Variants in XYLT1 observed in about 807,000 individuals in gnomAD.
XYLT1 encodes the protein xylosyltransferase 1.
XYLT1 carries 36 observed loss-of-function variants against 91.3 expected under a neutral mutation model. The observed-to-expected ratio is 0.39, with a 90% CI of 0.30 to 0.52. The LOEUF is 0.52. XYLT1 is among the 20% of genes least tolerant of loss of function. XYLT1 has a pLI of 0.68. For missense variants in XYLT1, 1,242 were observed against 1,284.5 expected (o/e 0.97, Z 0.51); for synonymous variants, 588 against 532.0 (o/e 1.11, Z -1.45).
intron 3 of XYLT1, among the ~76,000 whole-genome samples, chr16:17,201,917 C>T (rs1341742108): frequency 6.6e-6 from 1 of 152,122 alleles, no homozygotes; most frequent in Non-Finnish European, 1.5e-5. Context: ...TTGTGGCCTG[C>T]CTTGAGCTCC....
rs1027740202 is a variant in XYLT1 at position 17,411,946 on chromosome 16, C to T, written c.364-53896G>A. On this transcript the variant is annotated intron_variant, in intron 1 of 11. Coordinates refer to ENST00000261381, the MANE Select transcript of XYLT1 (RefSeq NM_022166.4). ...TGCCCATCACTAGGTGGCCCGGAGG[C>T]CTAAGGTGAAAAGGATGTTGTCTTT... Among the ~76,000 whole-genome samples, 6 of 152,054 alleles carry T rather than the reference C, an allele frequency of 3.9e-5. No individual in the cohort carries two copies. In the South Asian group the frequency reaches 1.2e-3, roughly 32 times the overall value.
At chr16:17,288,960 A>T (rs969543523) in intron 2 of XYLT1, among the ~76,000 whole-genome samples, 14 of 152,202 alleles carry the variant, frequency 9.2e-5, no homozygotes, top group African/African-American at 1.4e-4. Flanking sequence ...AGATTTTTTT[A>T]AAAAACCTGA....
At chr16:17,459,006 T>C (rs2036780458) in intron 1 of XYLT1, among the ~76,000 whole-genome samples, 1 of 152,088 alleles carries the variant, frequency 6.6e-6, no homozygotes, top group Non-Finnish European at 1.5e-5. Flanking sequence ...ATTCATCAAG[T>C]TGTATATTTA....
intron 5 of XYLT1, among the ~76,000 whole-genome samples, chr16:17,172,466 C>CTTT (rs1157952692): frequency 0.013 from 1,282 of 102,544 alleles, 6 homozygotes; most frequent in East Asian, 0.032. Flanking sequence ...GCGTTCATTT[C>CTTT]TTTTTTTTTT....
Position 17,259,077 on chromosome 16 carries a change from T to C in XYLT1, c.824A>G (p.His275Arg), listed in dbSNP as rs1243343793. The change falls in exon 3 of 12, where the codon CAC becomes CGC. Residue 275 changes from histidine (H) to arginine (R), a missense_variant. Physicochemically the swap from His to Arg is conservative, Grantham distance 29. Around this residue, in one of 3 missense-constraint regions of XYLT1, gnomAD observed 437 missense variants for 411.5 expected, o/e 1.06. Coordinates refer to ENST00000261381, the MANE Select transcript of XYLT1 (RefSeq NM_022166.4). ...AGTCTCCCCAATCTCCTGGCGGCAG[T>C]GCTTGGACTTAGCACGGGACAGGGC... Reference protein sequence around the residue: ...ISALSRAKSKHCRQEIGETYC... With the variant: ...ISALSRAKSKRCRQEIGETYC... 1.3e-6 allele frequency: 2 copies of C among 1,535,024 alleles called. No homozygotes were observed. Among genetic ancestry groups the C allele is most frequent in the Non-Finnish European group, 8.8e-7 (1 of 1,142,328 alleles).
chr16:17,359,422 G>A (rs1470482708), intron 1 of XYLT1, among the ~76,000 whole-genome samples: 3 of 152,110 alleles, frequency 2.0e-5, no homozygotes, highest in East Asian at 3.8e-4. Flanking sequence ...ACTGTTCTAC[G>A]GTATCTTTGT....
intron 10 of XYLT1, among the ~76,000 whole-genome samples, chr16:17,123,773 G>T: frequency 6.6e-6 from 1 of 152,122 alleles, no homozygotes; most frequent in East Asian, 1.9e-4. Flanking sequence ...CTGTGTTGCT[G>T]TCCATCTCAT....
chr16:17,446,941 T>C (rs1384267444), intron 1 of XYLT1, among the ~76,000 whole-genome samples: 1 of 152,034 alleles, frequency 6.6e-6, no homozygotes, highest in African/African-American at 2.4e-5. Flanking sequence ...GAGGGACCTC[T>C]GGACTCAAGG....
intron 2 of XYLT1, among the ~76,000 whole-genome samples, chr16:17,339,376 A>T (rs927905443): frequency 6.6e-6 from 1 of 152,234 alleles, no homozygotes; most frequent in African/African-American, 2.4e-5. Context: ...GAAATTGCAG[A>T]TATTTTCATG....
chr16:17,330,823 T>C, intron 2 of XYLT1, among the ~76,000 whole-genome samples: 1 of 148,992 alleles, frequency 6.7e-6, no homozygotes, highest in East Asian at 2.0e-4. Context: ...GAAAAGAAAA[T>C]GTCCCTACTT....
chr16:17,447,943 C>T (rs866799310), intron 1 of XYLT1, among the ~76,000 whole-genome samples: 9 of 152,206 alleles, frequency 5.9e-5, no homozygotes, highest in African/African-American at 1.9e-4. Context: ...GACCCTGTCG[C>T]TTGTGACATG....
chr16:17,221,625 G>C (rs897289760), intron 3 of XYLT1, among the ~76,000 whole-genome samples: 2 of 152,186 alleles, frequency 1.3e-5, no homozygotes, highest in African/African-American at 4.8e-5. Context: ...TGTAGTCCCA[G>C]CTCTTCGGGA....
Position 17,102,406 on chromosome 16 carries a change from AG to A in XYLT1, c.*6288del, listed in dbSNP as rs1196000960. ...ACAGAAAGCATCTATATACACCTGC[AG>A]TGTTTTTGGTATGATACAGTATTTA... On this transcript the variant is annotated 3_prime_UTR_variant, in exon 12 of 12. Coordinates refer to ENST00000261381, the MANE Select transcript of XYLT1 (RefSeq NM_022166.4). 1.3e-5 allele frequency: 2 copies of A among 152,676 alleles called. No individual in the cohort carries two copies. The highest frequency in any genetic ancestry group is 3.8e-4 in the East Asian group (2 of 5,206). The allele number at this position is 152,676 out of a possible 1,614,324, so 9.5% of individuals were successfully genotyped here.
intron 1 of XYLT1, among the ~76,000 whole-genome samples, chr16:17,439,258 A>G (rs1378611197): frequency 6.6e-6 from 1 of 152,174 alleles, no homozygotes; most frequent in Non-Finnish European, 1.5e-5. Flanking sequence ...CTTTAAACTC[A>G]GATGCAGCCT....
intron 1 of XYLT1, among the ~76,000 whole-genome samples, chr16:17,390,942 G>A (rs2035810595): frequency 6.6e-6 from 1 of 152,166 alleles, no homozygotes; most frequent in Non-Finnish European, 1.5e-5. Context: ...AGAGGCTGAG[G>A]CAGGAGAATC....
chr16:17,323,362 G>A (rs9930322), intron 2 of XYLT1, among the ~76,000 whole-genome samples: 54,289 of 151,960 alleles, frequency 0.36, 10,064 homozygotes, highest in Admixed American at 0.46. Flanking sequence ...TGGCATCTTC[G>A]CGCAGACGGC....
At chr16:17,439,678 C>T (rs2036508313) in intron 1 of XYLT1, among the ~76,000 whole-genome samples, 1 of 152,202 alleles carries the variant, frequency 6.6e-6, no homozygotes, top group African/African-American at 2.4e-5. Context: ...TGAATGTCTG[C>T]TTTCCATTGT....
intron 1 of XYLT1, among the ~76,000 whole-genome samples, chr16:17,467,652 C>T (rs1416556993): frequency 4.6e-5 from 7 of 152,166 alleles, no homozygotes; most frequent in Admixed American, 4.6e-4. Flanking sequence ...AAAATACAAT[C>T]AGGGCCTTCC....
rs368097793 is a variant in XYLT1 at position 17,108,882 on chromosome 16, G to A, written c.2693C>T (p.Thr898Met). The stretch of plus-strand genomic sequence containing the variant: ...CAGCCATCCCTCCAGCGCTGTGCCC[G>A]TGGAGGCTGCGTTCCTCCGTGCCTG... ...VEQARRNAASTGTALEGWLDS... is the reference protein window; with the variant it reads ...VEQARRNAASMGTALEGWLDS... Residue 898 changes from threonine to methionine, a missense_variant, in exon 12 of 12, where the codon ACG (threonine) becomes ATG (methionine). This residue lies in a region of XYLT1 where 511 missense variants were observed against 497.0 expected (regional missense o/e 1.03). Transcript: ENST00000261381. 23 of 1,611,508 alleles carry A rather than the reference G, an allele frequency of 1.4e-5. No homozygotes were observed. The highest frequency in any genetic ancestry group is 1.3e-4 in the East Asian group (6 of 44,834).
Sources: gnomAD v4.1 joint callset for allele counts (sites outside exome capture counted in the v4.1 genomes callset) on GRCh38, gnomAD v4.1.1 for gene constraint, gnomAD v4.1.1 regional missense constraint, MANE v1.5 for transcripts, NCBI Gene and HGNC (gene_info 2026-07-23, HGNC 2026-07-21) for gene names.